Variants in NDUFS4 observed in about 807,000 individuals in gnomAD.
The protein encoded by NDUFS4 is NADH dehydrogenase [ubiquinone] iron-sulfur protein 4, mitochondrial.
In NDUFS4, 28 loss-of-function variants were observed where a neutral mutation model predicts 24.3. That is an observed-to-expected ratio of 1.15 (90% CI 0.85 to 1.58). The LOEUF (loss-of-function observed/expected upper bound fraction) is 1.58, where lower values mean the gene tolerates loss of function less well. Among genes scored for constraint, NDUFS4 ranks in the 40% most tolerant of loss-of-function variants. The pLI, the probability that NDUFS4 is intolerant of heterozygous loss-of-function variation, is 0.00. For synonymous variants in NDUFS4, 93 were observed against 69.7 expected (o/e 1.34, Z -1.67); for missense variants, 223 against 207.9 (o/e 1.07, Z -0.45).
chr5:53,666,112 TTAAAA>T (rs1332961778), intron 4 of NDUFS4, among the ~76,000 whole-genome samples: 1 of 152,266 alleles, frequency 6.6e-6, no homozygotes, highest in African/African-American at 2.4e-5. Flanking sequence ...CTATTTTGAC[TTAAAA>T]TAACATTACT....
At chr5:53,608,686 A>G (rs948400052) in intron 2 of NDUFS4, among the ~76,000 whole-genome samples, 1 of 152,160 alleles carries the variant, frequency 6.6e-6, no homozygotes, top group East Asian at 1.9e-4. Context: ...TTTAGGCTCC[A>G]CCCACCACAT....
chr5:53,680,050 T>C (rs1291967552), intron 4 of NDUFS4, among the ~76,000 whole-genome samples: 5 of 152,210 alleles, frequency 3.3e-5, no homozygotes, highest in African/African-American at 1.2e-4. Context: ...AATTGCGGGA[T>C]ATTTTTAAAG....
At position 53,683,318 on chromosome 5, in the gene NDUFS4, A is replaced by AAATT; in HGVS notation, c.*98_*101dup. The AAATT allele has an allele frequency of 1.1e-6, 1 of 885,524 alleles. No individual in the cohort carries two copies. Among genetic ancestry groups the AAATT allele is most frequent in the Non-Finnish European group, 1.9e-6 (1 of 533,168 alleles). The allele number at this position is 885,524 out of a possible 1,614,324, so 54.9% of individuals were successfully genotyped here. On this transcript the variant is annotated 3_prime_UTR_variant, in exon 5 of 5. Transcript: ENST00000296684. ...TAAATACATCTCTTAATCTCCTAAT[A>AAATT]AATTGGACCTTTAAACTACAGATAC...
At chr5:53,682,493 G>T (rs1317547267) in intron 4 of NDUFS4, among the ~76,000 whole-genome samples, 1 of 151,284 alleles carries the variant, frequency 6.6e-6, no homozygotes, top group Non-Finnish European at 1.5e-5. Context: ...TCTTTATCAG[G>T]TACTCCCATC....
chr5:53,617,376 A>G (rs1750873461), intron 2 of NDUFS4, among the ~76,000 whole-genome samples: 1 of 150,684 alleles, frequency 6.6e-6, no homozygotes, highest in Non-Finnish European at 1.5e-5. Context: ...GCTGTAGGTC[A>G]TCTCTCTCTC....
chr5:53,620,110 C>T (rs1750984833), intron 2 of NDUFS4, among the ~76,000 whole-genome samples: 1 of 150,728 alleles, frequency 6.6e-6, no homozygotes, highest in South Asian at 2.1e-4. Flanking sequence ...CGCAAGACCC[C>T]ATCTCAAAAA....
chr5:53,590,722 C>T (rs1662229986), intron 1 of NDUFS4, among the ~76,000 whole-genome samples: 1 of 152,054 alleles, frequency 6.6e-6, no homozygotes, highest in Non-Finnish European at 1.5e-5. Context: ...GTGTTGTAAA[C>T]CAGGGATTAT....
intron 4 of NDUFS4, among the ~76,000 whole-genome samples, chr5:53,676,902 T>C (rs1174340033): frequency 2.0e-5 from 3 of 152,138 alleles, no homozygotes; most frequent in Non-Finnish European, 4.4e-5. Context: ...ATCCTGTCTG[T>C]AGCTAGGGAA....
intron 2 of NDUFS4, among the ~76,000 whole-genome samples, chr5:53,631,665 G>A (rs1230507464): frequency 6.6e-6 from 1 of 152,156 alleles, no homozygotes; most frequent in Admixed American, 6.5e-5. Context: ...CAGCAGCATT[G>A]TTTACACTGT....
intron 2 of NDUFS4, among the ~76,000 whole-genome samples, chr5:53,618,796 A>G (rs1307041806): frequency 6.6e-6 from 1 of 152,162 alleles, no homozygotes; most frequent in Non-Finnish European, 1.5e-5. Context: ...ATATTTGGTC[A>G]TTAAACCCTG....
intron 1 of NDUFS4, 128 bp from the exon 2 acceptor site, chr5:53,603,320 CTCTT>C: frequency 8.5e-6 from 6 of 709,222 alleles, no homozygotes; most frequent in Non-Finnish European, 7.0e-6. Context: ...GTGCCCTCTT[CTCTT>C]TCTTTCCTTT....
chr5:53,625,492 T>C (rs1751191878), intron 2 of NDUFS4, among the ~76,000 whole-genome samples: 1 of 152,178 alleles, frequency 6.6e-6, no homozygotes, highest in Non-Finnish European at 1.5e-5. Flanking sequence ...ACACTTATAT[T>C]GTACTGCTTA....
At chr5:53,599,505 C>T (rs1250418084) in intron 1 of NDUFS4, among the ~76,000 whole-genome samples, 1 of 152,074 alleles carries the variant, frequency 6.6e-6, no homozygotes, top group Non-Finnish European at 1.5e-5. Context: ...CTAATTAGTT[C>T]TGTTGAGCAT....
At chr5:53,602,950 G>T (rs940227050) in intron 1 of NDUFS4, among the ~76,000 whole-genome samples, 1 of 151,974 alleles carries the variant, frequency 6.6e-6, no homozygotes, top group Non-Finnish European at 1.5e-5. Flanking sequence ...TTTGTGAATG[G>T]GCTACAGGAC....
At chr5:53,587,044 G>A (rs185528324) in intron 1 of NDUFS4, among the ~76,000 whole-genome samples, 157 of 151,908 alleles carry the variant, frequency 1.0e-3, no homozygotes, top group African/African-American at 3.6e-3. Flanking sequence ...GGCTGGTTTC[G>A]AACTTCTTAC....
intron 2 of NDUFS4, among the ~76,000 whole-genome samples, chr5:53,627,529 C>A (rs770182936): frequency 2.0e-5 from 3 of 152,096 alleles, no homozygotes; most frequent in African/African-American, 7.2e-5. Context: ...AATGTTCTTT[C>A]GTTTGTTCGT....
chr5:53,560,837 G>T, intron 1 of NDUFS4, 77 bp downstream of exon 1: 4 of 1,605,396 alleles, frequency 2.5e-6, no homozygotes, highest in Admixed American at 3.4e-5. Context: ...GCTGAGTTCC[G>T]GAGGAGGCCT....
At chr5:53,613,358 C>T (rs1377987644) in intron 2 of NDUFS4, among the ~76,000 whole-genome samples, 1 of 151,966 alleles carries the variant, frequency 6.6e-6, no homozygotes, top group Non-Finnish European at 1.5e-5. Context: ...ATGTTTTATT[C>T]ACTAAGTAGT....
At chr5:53,656,757 G>C (rs1056032798) in intron 3 of NDUFS4, among the ~76,000 whole-genome samples, 1 of 152,328 alleles carries the variant, frequency 6.6e-6, no homozygotes, top group Admixed American at 6.5e-5. Context: ...TGGGCAGAGA[G>C]TGAGTTTGGG....
Sources: allele counts gnomAD v4.1 joint callset (sites outside exome capture counted in the v4.1 genomes callset), GRCh38; gene constraint gnomAD v4.1.1; transcripts MANE v1.5; gene names NCBI Gene and HGNC (gene_info 2026-07-23, HGNC 2026-07-21).